Variants in TRRAP observed in about 807,000 individuals in gnomAD.
The protein encoded by TRRAP is transformation/transcription domain-associated protein.
TRRAP carries 41 observed loss-of-function variants against 438.8 expected under a neutral mutation model. The ratio of observed to expected loss-of-function variants is 0.09; its 90% CI spans 0.07 to 0.12. The LOEUF is 0.12. Among genes scored for constraint, TRRAP ranks in the 10% least tolerant of loss-of-function variants. The pLI, the probability that TRRAP is intolerant of heterozygous loss-of-function variation, is 1.00. For synonymous variants in TRRAP, 1,994 were observed against 1,962.9 expected, an observed-to-expected ratio of 1.02 and a Z score of -0.42; for missense variants, 3,122 against 5,055.1, an observed-to-expected ratio of 0.62 and a Z score of 11.60.
At position 98,893,870 on chromosome 7, in the gene TRRAP, A is replaced by C. The variant is rs1796081469; in HGVS notation, c.439A>C (p.Ile147Leu). 3.7e-6 allele frequency: 6 copies of C among 1,613,788 alleles called. No homozygotes were observed. In the East Asian group the frequency reaches 1.3e-4, roughly 36 times the overall value. ...GCTACACAAACAGTTCAGGCCACCG[A>C]TCACACAAGAAGTAAGTTGTTTAAA... ...IELHKQFRPP[I>L]TQEIHHFLDF... is the part of the protein sequence containing the mutation. Residue 147 changes from isoleucine to leucine, a missense_variant, in exon 6 of 73, where the codon ATC becomes CTC. Around this residue, in one of 24 missense-constraint regions of TRRAP, gnomAD observed 343 missense variants for 564.0 expected, o/e 0.61. Coordinates refer to ENST00000456197, the MANE Select transcript of TRRAP (RefSeq NM_001375524.1).
chr7:98,910,629 A>G, intron 16 of TRRAP, 22 bp downstream of exon 16: 4 of 1,590,806 alleles, frequency 2.5e-6, no homozygotes, highest in Non-Finnish European at 3.4e-6. Flanking sequence ...CCCTCCAGCC[A>G]GGCTTTCGCA....
intron 58 of TRRAP, 44 bp from the exon 59 acceptor site, chr7:98,981,724 GA>G (rs755777619): frequency 1.9e-6 from 3 of 1,550,202 alleles, no homozygotes; most frequent in Non-Finnish European, 1.7e-6. Flanking sequence ...TACACTGAGG[GA>G]AAGAAGGCCC....
At chr7:98,965,535 G>A (rs898919292) in intron 48 of TRRAP, among the ~76,000 whole-genome samples, 161 bp from the exon 49 acceptor site, 2 of 152,288 alleles carry the variant, frequency 1.3e-5, no homozygotes, top group South Asian at 2.1e-4. Context: ...CAAGATGCAC[G>A]TAAGAACATA....
At position 98,978,288 on chromosome 7, in the gene TRRAP, C is replaced by A. The variant is rs1158456539; in HGVS notation, c.8463C>A (p.Phe2821Leu). 1 of 1,614,204 alleles carries A rather than the reference C, an allele frequency of 6.2e-7. No individual in the cohort carries two copies. The highest frequency in any genetic ancestry group is 1.3e-5 in the African/African-American group (1 of 75,056). Residue 2821 changes from phenylalanine (F) to leucine (L), a missense_variant, in exon 57 of 73, where the codon TTC (phenylalanine) becomes TTA (leucine). Phe to Leu is a conservative substitution (Grantham distance 22). Around this residue, in one of 24 missense-constraint regions of TRRAP, gnomAD observed 992 missense variants for 1,281.2 expected, o/e 0.77. Transcript: ENST00000456197. ...HERSNASPAIFPEYQLWEDHW... is the reference protein window; with the variant it reads ...HERSNASPAILPEYQLWEDHW... Reference sequence around the variant, plus strand: ...GGAGTAACGCCTCCCCTGCTATTTTCCCTGAATACCAGCTCTGGGAAGACC... The same window carrying A: ...GGAGTAACGCCTCCCCTGCTATTTTACCTGAATACCAGCTCTGGGAAGACC...
intron 53 of TRRAP, among the ~76,000 whole-genome samples, chr7:98,975,299 A>G (rs1562967418): frequency 6.6e-6 from 1 of 152,226 alleles, no homozygotes; most frequent in Non-Finnish European, 1.5e-5. Flanking sequence ...TGCAGGACAA[A>G]TGAAAGCATA....
intron 12 of TRRAP, among the ~76,000 whole-genome samples, chr7:98,905,248 T>C (rs951121707): frequency 1.3e-5 from 2 of 152,282 alleles, no homozygotes; most frequent in Middle Eastern, 3.4e-3. Context: ...TGTGGCTGTT[T>C]CCATTTGGCT....
At chr7:98,963,595 A>C (rs1792019123) in intron 47 of TRRAP, among the ~76,000 whole-genome samples, 1 of 152,160 alleles carries the variant, frequency 6.6e-6, no homozygotes, top group African/African-American at 2.4e-5. Context: ...AGAGGAGAGC[A>C]TAGCACTCGG....
At chr7:98,955,607 A>G (rs1396331112) in intron 41 of TRRAP, among the ~76,000 whole-genome samples, 3 of 152,180 alleles carry the variant, frequency 2.0e-5, no homozygotes, top group Admixed American at 6.5e-5. Context: ...GATAGTCCTC[A>G]TTGACTCTAG....
At chr7:98,929,122 A>T (rs921266008) in intron 23 of TRRAP, among the ~76,000 whole-genome samples, 1 of 151,938 alleles carries the variant, frequency 6.6e-6, no homozygotes, top group Non-Finnish European at 1.5e-5. Flanking sequence ...TGGTATTTTT[A>T]GTAGAGACGG....
chr7:98,995,367 G>A (rs1346203901), intron 67 of TRRAP, among the ~76,000 whole-genome samples: 1 of 152,058 alleles, frequency 6.6e-6, no homozygotes, highest in Non-Finnish European at 1.5e-5. Context: ...GGAAGACTGG[G>A]TCTGGGTGCG....
chr7:98,966,263 G>A (rs999519496), intron 49 of TRRAP, among the ~76,000 whole-genome samples: 7 of 151,818 alleles, frequency 4.6e-5, no homozygotes, highest in Non-Finnish European at 1.0e-4. Flanking sequence ...CTGAGATCAC[G>A]CCATTGCACT....
intron 67 of TRRAP, chr7:98,999,048 G>T: frequency 1.1e-6 from 1 of 897,034 alleles, no homozygotes; most frequent in South Asian, 1.7e-5. Context: ...TGGATGGGAG[G>T]AGAAGGCAGC....
intron 67 of TRRAP, among the ~76,000 whole-genome samples, chr7:99,003,347 A>G (rs986320263): frequency 2.0e-5 from 3 of 152,212 alleles, no homozygotes; most frequent in African/African-American, 7.2e-5. Flanking sequence ...GTTCCTTCTC[A>G]TGGCTCATTT....
intron 39 of TRRAP, among the ~76,000 whole-genome samples, chr7:98,951,726 A>G (rs1302040385): frequency 6.6e-6 from 1 of 152,180 alleles, no homozygotes; most frequent in African/African-American, 2.4e-5. Context: ...TGTTGTTTCC[A>G]TTGGCAGATT....
chr7:98,965,831 T>C lies in TRRAP; in HGVS notation c.7112T>C (p.Leu2371Pro). The change falls in exon 49 of 73, where the codon CTC becomes CCC. Residue 2371 changes from leucine (L) to proline (P), a missense_variant. By Grantham distance (98) the Leu-to-Pro change is moderately conservative. This residue lies in a region of TRRAP where 992 missense variants were observed against 1,281.2 expected (regional missense o/e 0.77). Coordinates refer to ENST00000456197, the MANE Select transcript of TRRAP (RefSeq NM_001375524.1). ...GAAAAATCACCAGATGCCAAAATCCTCCGGGCTGTGGTCAAAATCGTGGAA... is the reference window on the plus strand; with the variant it reads ...GAAAAATCACCAGATGCCAAAATCCCCCGGGCTGTGGTCAAAATCGTGGAA... ...LIEKSPDAKILRAVVKIVEEW... is the reference protein window; with the variant it reads ...LIEKSPDAKIPRAVVKIVEEW... The C allele has an allele frequency of 6.2e-7, 1 of 1,614,014 alleles. No individual in the cohort carries two copies. Among genetic ancestry groups the C allele is most frequent in the Non-Finnish European group, 8.5e-7 (1 of 1,180,014 alleles).
chr7:98,953,257 C>A lies in TRRAP; in HGVS notation c.5554C>A (p.His1852Asn). The A allele has an allele frequency of 6.2e-7, 1 of 1,613,816 alleles. No homozygotes were observed. The highest frequency in any genetic ancestry group is 1.1e-5 in the South Asian group (1 of 91,064). ...YATLLVEHAP[H>N]HIHDNNKNRN... ...CACGCTGCTGGTGGAGCACGCCCCC[C>A]ACCACATCCATGACAACAACAAGAA... The change falls in exon 40 of 73, where the codon CAC (histidine) becomes AAC (asparagine). Residue 1852 changes from histidine (H) to asparagine (N), a missense_variant. By Grantham distance (68) the His-to-Asn change is moderately conservative. Transcript: ENST00000456197.
chr7:99,012,502 G>T lies in TRRAP; in HGVS notation c.*147G>T. 1 of 976,916 alleles carries T rather than the reference G, an allele frequency of 1.0e-6. No individual in the cohort carries two copies. 60.5% of individuals were successfully genotyped at this position (976,916 alleles called of 1,614,324 possible). On this transcript the variant is annotated 3_prime_UTR_variant, in exon 73 of 73. Transcript: ENST00000456197. The surrounding 1 kb of genome is among the most constrained non-coding windows in gnomAD (Gnocchi z 5.9). ...CGGTTATTTTCCTGGTAGTTTGCGT[G>T]TAAGAAAGGGAGAATATAGTTTTAG...
intron 2 of TRRAP, 32 bp from the exon 3 acceptor site, chr7:98,881,943 C>G: frequency 6.3e-7 from 1 of 1,593,128 alleles, no homozygotes; most frequent in Non-Finnish European, 8.5e-7. Flanking sequence ...AACATAATTT[C>G]AATTACCTGA....
In TRRAP at chr7:98,931,437, C is replaced by T. The variant is rs1485720933; in HGVS notation, c.3624C>T (p.Thr1208=). The change falls in exon 26 of 73, where the codon ACC becomes ACT. Residue 1208 remains threonine, a synonymous_variant. Coordinates refer to ENST00000456197, the MANE Select transcript of TRRAP (RefSeq NM_001375524.1). ...VSNGAVAMAK[T]TLEQLLMRCA... ...ATGGGGCAGTCGCTATGGCAAAGAC[C>T]ACGCTGGAGCAGCTTCTGATGCGGT... 6.2e-7 allele frequency: 1 copy of T among 1,613,994 alleles called. No homozygotes were observed. Among genetic ancestry groups the T allele is most frequent in the East Asian group, 2.2e-5 (1 of 44,896 alleles).
Sources: allele counts gnomAD v4.1 joint callset (sites outside exome capture counted in the v4.1 genomes callset), GRCh38; gene constraint gnomAD v4.1.1; regional missense constraint gnomAD v4.1.1; non-coding constraint Gnocchi (gnomAD v3.1); transcripts MANE v1.5; gene names NCBI Gene and HGNC (gene_info 2026-07-23, HGNC 2026-07-21).